Variants in AGBL4 observed in about 807,000 individuals in gnomAD.
The protein encoded by AGBL4 is AGBL carboxypeptidase 4.
A neutral mutation model predicts 66.4 loss-of-function variants in AGBL4; 58 were observed. The ratio of observed to expected loss-of-function variants is 0.87; its 90% CI spans 0.71 to 1.09. The LOEUF (loss-of-function observed/expected upper bound fraction) is 1.09, where lower values mean the gene tolerates loss of function less well. AGBL4 is among the 50% of genes least tolerant of loss of function. The probability of loss-of-function intolerance (pLI) is 0.00; values close to 1 mark genes in which losing one functional copy is unlikely to be tolerated. For missense variants in AGBL4, 579 were observed against 631.0 expected (o/e 0.92, Z 0.88); for synonymous variants, 234 against 222.9 (o/e 1.05, Z -0.44).
chr1:49,783,330 A>G (rs1644379468), intron 2 of AGBL4, among the ~76,000 whole-genome samples: 1 of 152,218 alleles, frequency 6.6e-6, no homozygotes, highest in East Asian at 1.9e-4. Context: ...GATTGATATC[A>G]TTACCAAATT....
intron 3 of AGBL4, among the ~76,000 whole-genome samples, chr1:49,581,211 T>C (rs1644535878): frequency 6.6e-6 from 1 of 152,258 alleles, no homozygotes; most frequent in East Asian, 1.9e-4. Context: ...AAAAAAGATA[T>C]ATATTTCCTT....
chr1:49,999,185 A>T (rs572180558), intron 1 of AGBL4, among the ~76,000 whole-genome samples: 5 of 152,114 alleles, frequency 3.3e-5, no homozygotes, highest in Admixed American at 3.3e-4. Context: ...AACCCTACAG[A>T]CTCATCCAAA....
rs540612568 is a variant in AGBL4, at chr1:49,972,079, G to A, written c.34+51684C>T. ...ACTACAGGTGCCTGCCACCACACCC[G>A]GCTAATTTTTTGTATTTTCAGTAGA... On this transcript the variant is annotated intron_variant, in intron 1 of 13. Transcript: ENST00000371839. Among the ~76,000 whole-genome samples, 5 of 150,672 alleles carry A rather than the reference G, an allele frequency of 3.3e-5. No homozygotes were observed. In the South Asian group the frequency reaches 6.3e-4, roughly 19 times the overall value.
chr1:49,232,016 A>G (rs1570148215), intron 4 of AGBL4, among the ~76,000 whole-genome samples: 1 of 152,122 alleles, frequency 6.6e-6, no homozygotes, highest in Non-Finnish European at 1.5e-5. Context: ...TTGACTTCCA[A>G]TGTTTTCAAC....
chr1:49,491,090 T>A (rs556286263), intron 3 of AGBL4, among the ~76,000 whole-genome samples: 1 of 151,830 alleles, frequency 6.6e-6, no homozygotes, highest in African/African-American at 2.4e-5. Flanking sequence ...AGCTCAGTGA[T>A]AGTTGAATGA....
intron 2 of AGBL4, among the ~76,000 whole-genome samples, chr1:49,772,567 A>G (rs1182230335): frequency 6.6e-6 from 1 of 152,130 alleles, no homozygotes; most frequent in African/African-American, 2.4e-5. Flanking sequence ...AGAGATACTC[A>G]GTTGTTACTT....
chr1:49,393,819 G>T lies in AGBL4; in HGVS notation c.283-147955C>A, dbSNP rs115674610. On this transcript the variant is annotated intron_variant, in intron 3 of 13. Transcript: ENST00000371839. ...GTGATGTAGGGAGAAAGTTGATGTGGATACATCTATGACAGAGAATTCATT... is the reference window on the plus strand; with the variant it reads ...GTGATGTAGGGAGAAAGTTGATGTGTATACATCTATGACAGAGAATTCATT... Among the ~76,000 whole-genome samples the T allele has an allele frequency of 3.5e-3, 529 of 152,218 alleles. 5 individuals are homozygous for T. The highest frequency in any genetic ancestry group is 6.4e-3 in the Non-Finnish European group (438 of 68,004).
chr1:50,021,946 C>G (rs570290305), intron 1 of AGBL4, among the ~76,000 whole-genome samples: 2 of 152,320 alleles, frequency 1.3e-5, no homozygotes, highest in East Asian at 3.9e-4. Context: ...CATTGCCCCA[C>G]ATGTACCCAC....
intron 4 of AGBL4, among the ~76,000 whole-genome samples, chr1:49,168,438 A>G (rs182173316): frequency 6.6e-6 from 1 of 152,316 alleles, no homozygotes; most frequent in African/African-American, 2.4e-5. Flanking sequence ...GATGCTACCA[A>G]TAACCCTATG....
intron 4 of AGBL4, among the ~76,000 whole-genome samples, chr1:49,053,106 T>C (rs1187898321): frequency 6.6e-6 from 1 of 152,172 alleles, no homozygotes; most frequent in Non-Finnish European, 1.5e-5. Context: ...CTGTGTGTGA[T>C]GGATAGTTGG....
At chr1:48,531,575 T>C (rs1465493595), downstream of AGBL4, among the ~76,000 whole-genome samples, 1 of 152,112 alleles carries the variant, frequency 6.6e-6, no homozygotes, top group Non-Finnish European at 1.5e-5. Flanking sequence ...GTTTTCCTCA[T>C]CCTGAGCAGA....
intron 2 of AGBL4, among the ~76,000 whole-genome samples, chr1:49,744,192 T>C (rs1571463897): frequency 1.3e-5 from 2 of 152,256 alleles, no homozygotes; most frequent in East Asian, 3.9e-4. Context: ...ATGAGAGCAG[T>C]TTCTCATAAA....
At chr1:48,665,491 T>C (rs1420102783) in intron 6 of AGBL4, among the ~76,000 whole-genome samples, 2 of 152,184 alleles carry the variant, frequency 1.3e-5, no homozygotes, top group Non-Finnish European at 2.9e-5. Flanking sequence ...TTATCATGCC[T>C]CTGTGAGGTG....
chr1:49,769,940 A>G (rs554446318), intron 2 of AGBL4, among the ~76,000 whole-genome samples: 1 of 152,304 alleles, frequency 6.6e-6, no homozygotes, highest in South Asian at 2.1e-4. Flanking sequence ...AAGCAATTGC[A>G]ACAAAAAACA....
intron 3 of AGBL4, among the ~76,000 whole-genome samples, chr1:49,288,220 G>C (rs1286408640): frequency 7.7e-5 from 9 of 117,182 alleles, no homozygotes; most frequent in African/African-American, 1.9e-4. Flanking sequence ...GTGGTGGGGT[G>C]GGGGGAGGGG....
At chr1:49,909,889 T>C (rs114443649) in intron 1 of AGBL4, among the ~76,000 whole-genome samples, 6 of 152,324 alleles carry the variant, frequency 3.9e-5, no homozygotes, top group Non-Finnish European at 5.9e-5. Context: ...CTTTTGTCTA[T>C]TGAGAAACAG....
intron 3 of AGBL4, among the ~76,000 whole-genome samples, chr1:49,486,169 T>C (rs981242456): frequency 1.3e-5 from 2 of 151,988 alleles, no homozygotes; most frequent in African/African-American, 4.8e-5. Context: ...AGAAATCAGA[T>C]AGCAAATCAA....
chr1:48,750,596 G>T (rs1429778595), intron 6 of AGBL4, among the ~76,000 whole-genome samples: 1 of 152,162 alleles, frequency 6.6e-6, no homozygotes, highest in Non-Finnish European at 1.5e-5. Flanking sequence ...ACTTCTTTAA[G>T]GTGGCAAGGG....
intron 5 of AGBL4, among the ~76,000 whole-genome samples, chr1:49,000,334 G>A (rs1661309320): frequency 6.6e-6 from 1 of 152,052 alleles, no homozygotes; most frequent in Non-Finnish European, 1.5e-5. Context: ...TCTCCCTTAT[G>A]TATATGACTG....
Sources: allele counts gnomAD v4.1 joint callset (sites outside exome capture counted in the v4.1 genomes callset), GRCh38; gene constraint gnomAD v4.1.1; transcripts MANE v1.5; gene names NCBI Gene and HGNC (gene_info 2026-07-23, HGNC 2026-07-21).